CHL1: variants seen among roughly 807,000 people sequenced by gnomAD.
CHL1 encodes cell adhesion molecule L1 like, also known as neural cell adhesion molecule L1-like protein.
A neutral mutation model predicts 141.9 loss-of-function variants in CHL1; 96 were observed. The ratio of observed to expected loss-of-function variants is 0.68; its 90% CI spans 0.57 to 0.80. The LOEUF is 0.80. Ranked by LOEUF, CHL1 falls within the 30% of genes least tolerant of loss-of-function variation. CHL1 has a pLI of 0.00. For missense variants in CHL1, 1,820 were observed against 1,457.2 expected, an observed-to-expected ratio of 1.25 and a Z score of -4.05; for synonymous variants, 613 against 502.2, an observed-to-expected ratio of 1.22 and a Z score of -2.95.
intron 2 of CHL1, among the ~76,000 whole-genome samples, chr3:316,168 G>A (rs919599536): frequency 9.9e-5 from 15 of 152,052 alleles, no homozygotes; most frequent in African/African-American, 3.1e-4. Flanking sequence ...GGAAGATGGA[G>A]CCACCATTTT....
rs546461649 is a variant in CHL1 at position 363,488 on chromosome 3, G to A, written c.1585+105G>A. ...CATTTAAGTTGGAGTACCAGATAAA[G>A]TTCTTTGAACCGTTTTTCAAAATTC... On this transcript the variant is annotated intron_variant, in intron 14 of 27. Coordinates refer to ENST00000256509, the MANE Select transcript of CHL1 (RefSeq NM_006614.4). 8 of 1,085,236 alleles carry A rather than the reference G, an allele frequency of 7.4e-6. No individual in the cohort carries two copies. The Admixed American group carries it at 1.3e-4, about 17-fold the overall frequency. The allele number at this position is 1,085,236 out of a possible 1,614,324, so 67.2% of individuals were successfully genotyped here. A position where few individuals can be genotyped will look rare whatever the true frequency, so the allele number is the denominator to read the frequency against.
At chr3:329,476 C>G (rs532366536) in intron 5 of CHL1, among the ~76,000 whole-genome samples, 1 of 151,642 alleles carries the variant, frequency 6.6e-6, no homozygotes, top group Non-Finnish European at 1.5e-5. Context: ...AATTTAGACT[C>G]GGAAGTAAGG....
At chr3:366,141 T>A (rs751725198) in intron 15 of CHL1, 26 bp downstream of exon 15, 1 of 1,600,864 alleles carries the variant, frequency 6.2e-7, no homozygotes, top group Non-Finnish European at 8.5e-7. Flanking sequence ...TGATATGTCA[T>A]AATATTTGCT....
chr3:236,778 C>G (rs1692028000), intron 1 of CHL1, among the ~76,000 whole-genome samples: 1 of 145,974 alleles, frequency 6.9e-6, no homozygotes, highest in African/African-American at 2.8e-5. Context: ...TAATCTTCCT[C>G]TGTGTGAATC....
chr3:356,209 A>T (rs1350355458), intron 11 of CHL1, among the ~76,000 whole-genome samples: 1 of 152,252 alleles, frequency 6.6e-6, no homozygotes, highest in Non-Finnish European at 1.5e-5. Context: ...AAGGGAAATG[A>T]AAGCAACTTT....
At chr3:208,134 T>G (rs1473570200) in intron 1 of CHL1, among the ~76,000 whole-genome samples, 1 of 152,220 alleles carries the variant, frequency 6.6e-6, no homozygotes, top group Non-Finnish European at 1.5e-5. Flanking sequence ...TTTTACCAGC[T>G]GTAAACTGAG....
intron 2 of CHL1, among the ~76,000 whole-genome samples, chr3:307,339 C>T (rs1699331930): frequency 6.6e-6 from 1 of 152,192 alleles, no homozygotes; most frequent in Non-Finnish European, 1.5e-5. Context: ...CAAACGTACA[C>T]TTCACAGAAT....
chr3:351,600 A>G (rs1703267461), intron 10 of CHL1, among the ~76,000 whole-genome samples: 1 of 152,122 alleles, frequency 6.6e-6, no homozygotes, highest in South Asian at 2.1e-4. Flanking sequence ...AATAATAAGG[A>G]TTTGCCATGT....
At chr3:374,312 G>A (rs936314430) in intron 15 of CHL1, among the ~76,000 whole-genome samples, 6 of 152,038 alleles carry the variant, frequency 3.9e-5, no homozygotes, top group Admixed American at 6.5e-5. Context: ...TAAAGGCTAC[G>A]CTTTGCAATA....
At chr3:362,144 T>C (rs1704319656) in intron 13 of CHL1, among the ~76,000 whole-genome samples, 1 of 152,232 alleles carries the variant, frequency 6.6e-6, no homozygotes, top group Non-Finnish European at 1.5e-5. Flanking sequence ...TCTATTGTTG[T>C]TGTTTTGGGA....
At chr3:310,962 G>A (rs1469636649) in intron 2 of CHL1, among the ~76,000 whole-genome samples, 6 of 152,102 alleles carry the variant, frequency 3.9e-5, no homozygotes, top group Non-Finnish European at 7.4e-5. Context: ...CCAGAGTGTC[G>A]TGTAGTTAGA....
At chr3:379,194 T>TAA (rs1292280523) in intron 16 of CHL1, among the ~76,000 whole-genome samples, 1 of 151,854 alleles carries the variant, frequency 6.6e-6, no homozygotes, top group African/African-American at 2.4e-5. Context: ...GAGAGACTGA[T>TAA]AAAAAAATGG....
intron 1 of CHL1, among the ~76,000 whole-genome samples, chr3:201,117 T>A (rs190472645): frequency 3.9e-5 from 6 of 152,314 alleles, no homozygotes; most frequent in East Asian, 3.9e-4. Context: ...TGGAATTCTG[T>A]ATCACTGGGT....
chr3:395,767 C>G (rs547953008), intron 24 of CHL1, among the ~76,000 whole-genome samples: 1 of 152,280 alleles, frequency 6.6e-6, no homozygotes, highest in East Asian at 1.9e-4. Flanking sequence ...ACTTTTGCAC[C>G]AATCTAATAC....
intron 2 of CHL1, among the ~76,000 whole-genome samples, chr3:265,996 T>C (rs1320219254): frequency 6.6e-6 from 1 of 152,224 alleles, no homozygotes; most frequent in Non-Finnish European, 1.5e-5. Context: ...TCTTAGTCTG[T>C]GTGGCTAACC....
intron 1 of CHL1, chr3:198,034 G>A (rs1353506540): frequency 1.6e-5 from 5 of 322,014 alleles, no homozygotes; most frequent in Non-Finnish European, 3.1e-5. Flanking sequence ...CCAGGGGCAG[G>A]GCCGGGGAAC....
chr3:401,924 A>G (rs1171613733), intron 27 of CHL1, among the ~76,000 whole-genome samples: 1 of 152,220 alleles, frequency 6.6e-6, no homozygotes, highest in South Asian at 2.1e-4. Context: ...AATGTCAGGT[A>G]GGACACTTTT....
At chr3:314,327 GTGTATATATATATATATA>G (rs1350617155) in intron 2 of CHL1, among the ~76,000 whole-genome samples, 910 of 57,002 alleles carry the variant, frequency 0.016, 26 homozygotes, top group African/African-American at 0.036. Context: ...CTCTCTCTAT[GTGTATATATATATATATA>G]TATATATATA....
At chr3:398,830 A>G (rs1337276542) in intron 25 of CHL1, among the ~76,000 whole-genome samples, 187 bp from the exon 26 acceptor site, 4 of 152,198 alleles carry the variant, frequency 2.6e-5, no homozygotes, top group Admixed American at 2.6e-4. Context: ...CCCTTTTTAA[A>G]TAAAGAAGGA....
Sources: allele counts gnomAD v4.1 joint callset (sites outside exome capture counted in the v4.1 genomes callset), GRCh38; gene constraint gnomAD v4.1.1; transcripts MANE v1.5; gene names NCBI Gene and HGNC (gene_info 2026-07-23, HGNC 2026-07-21).